The following BBX variants were observed in gnomAD, a reference collection of about 807,000 sequenced individuals.
BBX encodes the protein BBX high mobility group box domain containing, also known as HMG box transcription factor BBX.
In BBX, 30 loss-of-function variants were observed where a neutral mutation model predicts 100.2. The ratio of observed to expected loss-of-function variants is 0.30; its 90% confidence interval spans 0.22 to 0.41. The LOEUF (loss-of-function observed/expected upper bound fraction) is 0.41, where lower values mean the gene tolerates loss of function less well. BBX is among the 10% of genes least tolerant of loss of function. The pLI is 1.00. For synonymous variants in BBX, 376 were observed against 388.1 expected, an observed-to-expected ratio of 0.97 and a Z score of 0.37; for missense variants, 1,023 against 1,129.8, an observed-to-expected ratio of 0.91 and a Z score of 1.35.
intron 17 of BBX, 55 bp downstream of exon 17, chr3:107,801,336 T>C (rs2070448445): frequency 6.4e-7 from 1 of 1,560,884 alleles, no homozygotes; most frequent in Non-Finnish European, 8.7e-7. Context: ...TCAACCTCTT[T>C]GATGTGATTT....
chr3:107,610,467 G>GTC (rs1160301170), intron 2 of BBX, among the ~76,000 whole-genome samples: 1 of 151,852 alleles, frequency 6.6e-6, no homozygotes, highest in Admixed American at 6.6e-5. Flanking sequence ...TCTTATTGGG[G>GTC]TCTCTCTCTC....
intron 3 of BBX, among the ~76,000 whole-genome samples, chr3:107,690,891 C>CTTTTTTTT (rs1305340083): frequency 2.9e-4 from 21 of 72,340 alleles, no homozygotes; most frequent in South Asian, 8.5e-4. Context: ...TGCCCCCCCC[C>CTTTTTTTT]CTTTTTTTTT....
chr3:107,665,867 G>A (rs929141663), intron 3 of BBX, among the ~76,000 whole-genome samples: 1 of 152,106 alleles, frequency 6.6e-6, no homozygotes, highest in East Asian at 1.9e-4. Flanking sequence ...CCTTGAAGTC[G>A]TTGAGTCTGT....
chr3:107,732,333 A>T (rs960362114), intron 6 of BBX, among the ~76,000 whole-genome samples: 1 of 152,202 alleles, frequency 6.6e-6, no homozygotes, highest in South Asian at 2.1e-4. Flanking sequence ...ATAACATAAA[A>T]AGCATTAATT....
chr3:107,697,516 A>G lies in BBX; in HGVS notation c.-9-12936A>G, dbSNP rs558288845. On this transcript the variant is annotated intron_variant, in intron 3 of 17. Transcript: ENST00000325805. The stretch of plus-strand genomic sequence containing the variant: ...CTCCCAGTTAGGCTGCTCGGGGGTC[A>G]GGGGTCAGGGACCCACTTGAGGAGG... 2.6e-5 allele frequency among the ~76,000 whole-genome samples: 4 copies of G among 152,056 alleles called. No individual in the cohort carries two copies. In the East Asian group the frequency reaches 7.7e-4, roughly 29 times the overall value.
At chr3:107,525,780 C>T (rs574712824) in intron 1 of BBX, among the ~76,000 whole-genome samples, 2 of 152,314 alleles carry the variant, frequency 1.3e-5, no homozygotes, top group African/African-American at 2.4e-5. Flanking sequence ...CGGTTCCTAT[C>T]TCCAATCTGG....
At chr3:107,572,767 A>G (rs1010317943) in intron 2 of BBX, among the ~76,000 whole-genome samples, 1 of 152,216 alleles carries the variant, frequency 6.6e-6, no homozygotes, top group African/African-American at 2.4e-5. Context: ...TTGTATTAAA[A>G]GGCTCATTTT....
chr3:107,676,877 A>G (rs1402564297), intron 3 of BBX, among the ~76,000 whole-genome samples: 2 of 152,170 alleles, frequency 1.3e-5, no homozygotes, highest in African/African-American at 4.8e-5. Flanking sequence ...AAATGTAAGC[A>G]AGCAGAGAAA....
chr3:107,681,339 G>C (rs2059564534), intron 3 of BBX, among the ~76,000 whole-genome samples: 1 of 152,054 alleles, frequency 6.6e-6, no homozygotes, highest in Admixed American at 6.6e-5. Context: ...TTTTTAAGGA[G>C]TCTTAAATTA....
chr3:107,752,378 T>C (rs1320479506), intron 9 of BBX, among the ~76,000 whole-genome samples: 2 of 152,226 alleles, frequency 1.3e-5, no homozygotes, highest in African/African-American at 4.8e-5. Context: ...TTGTGTTTTA[T>C]TGGAAGCACT....
intron 14 of BBX, among the ~76,000 whole-genome samples, chr3:107,790,350 CTT>C (rs1312262072): frequency 5.3e-5 from 8 of 152,292 alleles, no homozygotes; most frequent in African/African-American, 1.9e-4. Context: ...TTTCTCCACT[CTT>C]AAGTTGTAAC....
intron 4 of BBX, among the ~76,000 whole-genome samples, chr3:107,715,731 G>GGC (rs1249651362): frequency 2.0e-5 from 3 of 152,372 alleles, no homozygotes; most frequent in Admixed American, 6.5e-5. Context: ...GGGAAGACTA[G>GGC]GCGTAGGCCA....
chr3:107,763,616 A>G (rs1259913422), intron 10 of BBX, among the ~76,000 whole-genome samples: 1 of 152,190 alleles, frequency 6.6e-6, no homozygotes, highest in African/African-American at 2.4e-5. Context: ...GGAACATAAA[A>G]TATAATCCCT....
chr3:107,632,432 G>A (rs1020350189), intron 2 of BBX, among the ~76,000 whole-genome samples: 14 of 152,090 alleles, frequency 9.2e-5, no homozygotes, highest in African/African-American at 3.1e-4. Flanking sequence ...TTTTGAAAGT[G>A]TCTAGGTGTG....
Position 107,807,689 on chromosome 3 carries a change from G to C in BBX, c.*2232G>C, listed in dbSNP as rs2071126772. The C allele has an allele frequency of 6.6e-6, 1 of 150,556 alleles. No homozygotes were observed. Among genetic ancestry groups the C allele is most frequent in the African/African-American group, 2.4e-5 (1 of 40,872 alleles). 9.3% of individuals were successfully genotyped at this position (150,556 alleles called of 1,614,324 possible). On this transcript the variant is annotated 3_prime_UTR_variant, in exon 18 of 18. Transcript: ENST00000325805. ...CACTAGAGTTCCTTACGAGATTGCT[G>C]TATATTCCTGGGACCTTTTTTAAAA...
chr3:107,805,495 T>C lies in BBX; in HGVS notation c.*38T>C, dbSNP rs777262836. 7 of 1,613,892 alleles carry C rather than the reference T, an allele frequency of 4.3e-6. No individual in the cohort carries two copies. In the Admixed American group the frequency reaches 6.7e-5, roughly 15 times the overall value. On this transcript the variant is annotated 3_prime_UTR_variant, in exon 18 of 18. Coordinates refer to ENST00000325805, the MANE Select transcript of BBX (RefSeq NM_001142568.3). ...TTGTAAAACATTGTGCTTTACCTAC[T>C]ACCCTAGCCTTGTCTTTACCGAGGG...
At chr3:107,802,927 A>G (rs547016218) in intron 17 of BBX, among the ~76,000 whole-genome samples, 1 of 152,218 alleles carries the variant, frequency 6.6e-6, no homozygotes, top group South Asian at 2.1e-4. Context: ...CTGATGCCCT[A>G]GGCTGTGTGT....
intron 2 of BBX, among the ~76,000 whole-genome samples, chr3:107,555,349 G>C (rs1055167140): frequency 1.5e-4 from 23 of 152,160 alleles, no homozygotes; most frequent in Non-Finnish European, 3.2e-4. Flanking sequence ...GGAATTTATA[G>C]ATTTCCAAGG....
chr3:107,718,927 A>G (rs1388748111), intron 5 of BBX, among the ~76,000 whole-genome samples: 1 of 152,074 alleles, frequency 6.6e-6, no homozygotes, highest in Non-Finnish European at 1.5e-5. Context: ...TTTCAAAATT[A>G]TTACACAATT....
Sources: gnomAD v4.1 joint callset for allele counts (sites outside exome capture counted in the v4.1 genomes callset) on GRCh38, gnomAD v4.1.1 for gene constraint, MANE v1.5 for transcripts, NCBI Gene and HGNC (gene_info 2026-07-23, HGNC 2026-07-21) for gene names.